CFAP70: variants seen among roughly 807,000 people sequenced by gnomAD.
The protein encoded by CFAP70 is cilia- and flagella-associated protein 70.
In CFAP70, 81 loss-of-function variants were observed where a neutral mutation model predicts 137.6. That is an observed-to-expected ratio of 0.59 (90% CI 0.49 to 0.71). The LOEUF is 0.71. Ranked by LOEUF, CFAP70 falls within the 30% of genes least tolerant of loss-of-function variation. The probability of loss-of-function intolerance (pLI) is 0.00; values close to 1 mark genes in which losing one functional copy is unlikely to be tolerated. For missense variants in CFAP70, 976 were observed against 1,226.7 expected (o/e 0.80, Z 3.05); for synonymous variants, 382 against 423.6 (o/e 0.90, Z 1.20).
At chr10:73,291,488 C>G (rs773293945) in intron 18 of CFAP70, 44 bp from the exon 20 acceptor site, 3 of 1,559,434 alleles carry the variant, frequency 1.9e-6, no homozygotes, top group Non-Finnish European at 2.6e-6. Flanking sequence ...TATTTTCCCA[C>G]TATCATATAC....
intron 6 of CFAP70, among the ~76,000 whole-genome samples, chr10:73,338,446 T>A (rs1052523241): frequency 6.1e-5 from 9 of 148,614 alleles, no homozygotes; most frequent in Middle Eastern, 3.5e-3. Context: ...TTTTTTTTTT[T>A]TTTTTAGACA....
intron 7 of CFAP70, among the ~76,000 whole-genome samples, 194 bp downstream of exon 8, chr10:73,335,236 T>G (rs1325886514): frequency 6.6e-6 from 1 of 152,060 alleles, no homozygotes; most frequent in East Asian, 1.9e-4. Flanking sequence ...TCACCTTGGT[T>G]AAACCACCAT....
At position 73,282,059 on chromosome 10, in the gene CFAP70, C is replaced by G. The variant is rs576007102; in HGVS notation, c.2240-3722G>C. Among the ~76,000 whole-genome samples, 6 of 152,250 alleles carry G rather than the reference C, an allele frequency of 3.9e-5. No individual in the cohort carries two copies. The East Asian group carries it at 1.2e-3, about 29-fold the overall frequency. On this transcript the variant is annotated intron_variant, in intron 19 of 26. Coordinates refer to ENST00000310715, the Ensembl canonical transcript of CFAP70. ...AGAAATAAAAAGAAGCCAGGGATCC[C>G]CCAAAGCCAAATAAGCTCATGGATC...
chr10:73,348,588 A>G (rs2053926854), intron 3 of CFAP70, 67 bp from the exon 4 acceptor site: 1 of 1,052,204 alleles, frequency 9.5e-7, no homozygotes, highest in South Asian at 1.8e-5. Context: ...AAGCTGCAAC[A>G]AACAAAGCAT....
At chr10:73,355,667 A>G (rs1351636120) in intron 1 of CFAP70, among the ~76,000 whole-genome samples, 1 of 152,192 alleles carries the variant, frequency 6.6e-6, no homozygotes, top group Non-Finnish European at 1.5e-5. Context: ...AGTCCCAGCT[A>G]CTTGGGAGGC....
intron 25 of CFAP70, among the ~76,000 whole-genome samples, chr10:73,260,817 C>T (rs1004546302): frequency 6.6e-6 from 1 of 152,200 alleles, no homozygotes; most frequent in Non-Finnish European, 1.5e-5. Flanking sequence ...GAGTAGTACT[C>T]CATTGTATAA....
chr10:73,350,936 T>C (rs1045317589), intron 3 of CFAP70, among the ~76,000 whole-genome samples: 1 of 149,954 alleles, frequency 6.7e-6, no homozygotes, highest in Non-Finnish European at 1.5e-5. Context: ...AATTTGTGTG[T>C]ATATATGTGT....
intron 9 of CFAP70, among the ~76,000 whole-genome samples, chr10:73,321,404 C>T (rs1353120555): frequency 2.0e-5 from 3 of 152,038 alleles, no homozygotes; most frequent in African/African-American, 4.8e-5. Flanking sequence ...GGCAACACAG[C>T]GAGACTCCAT....
chr10:73,305,659 G>C (rs564789424), intron 12 of CFAP70, among the ~76,000 whole-genome samples: 25 of 152,276 alleles, frequency 1.6e-4, no homozygotes, highest in African/African-American at 5.5e-4. Context: ...CAAAACACTG[G>C]CTGAACACAA....
In CFAP70 at chr10:73,345,048, T is replaced by C. The variant is rs1200699288; in HGVS notation, c.399+17A>G. The C allele has an allele frequency of 6.2e-7, 1 of 1,611,296 alleles. No homozygotes were observed. The highest frequency in any genetic ancestry group is 2.2e-5 in the East Asian group (1 of 44,858). On this transcript the variant is annotated intron_variant, in intron 5 of 26. Coordinates refer to ENST00000310715, the Ensembl canonical transcript of CFAP70. ...ACATGTTTGAATCTCTATAAATATC[T>C]GGCAGTAGGGCTTTACCTCTCCAAG... is the stretch of plus-strand genomic sequence containing the variant.
intron 16 of CFAP70, among the ~76,000 whole-genome samples, chr10:73,292,769 T>C (rs2131922163): frequency 6.6e-6 from 1 of 152,288 alleles, no homozygotes; most frequent in East Asian, 1.9e-4. Flanking sequence ...TCCTAATCTG[T>C]ACTTTTCCTT....
At chr10:73,349,266 G>A (rs2053989054) in intron 3 of CFAP70, among the ~76,000 whole-genome samples, 3 of 152,012 alleles carry the variant, frequency 2.0e-5, no homozygotes, top group South Asian at 4.1e-4. Context: ...TAGGGTGGGC[G>A]AGGTGGCTTA....
intron 1 of CFAP70, among the ~76,000 whole-genome samples, chr10:73,358,400 A>G (rs556031863): frequency 1.7e-4 from 26 of 152,334 alleles, no homozygotes; most frequent in Admixed American, 1.2e-3. Context: ...CAGTGAGAAA[A>G]AGGTTAGACG....
intron 19 of CFAP70, among the ~76,000 whole-genome samples, chr10:73,281,212 A>G (rs2047230666): frequency 6.6e-6 from 1 of 151,484 alleles, no homozygotes; most frequent in African/African-American, 2.4e-5. Context: ...ATTGAGACAG[A>G]CTCTCACTGT....
intron 9 of CFAP70, among the ~76,000 whole-genome samples, chr10:73,316,631 A>G (rs2050410959): frequency 6.6e-6 from 1 of 151,482 alleles, no homozygotes; most frequent in Admixed American, 6.6e-5. Context: ...TACAATATAC[A>G]TCCTAACTAA....
intron 3 of CFAP70, among the ~76,000 whole-genome samples, chr10:73,351,178 G>A (rs1431206268): frequency 7.0e-6 from 1 of 143,570 alleles, no homozygotes; most frequent in African/African-American, 2.6e-5. Flanking sequence ...GAGTGCAGTG[G>A]CGCAGTCTCA....
At chr10:73,341,510 G>A (rs372955517) in exon 6 of CFAP70, 12 of 1,614,036 alleles carry the variant, frequency 7.4e-6, no homozygotes, top group Non-Finnish European at 9.3e-6. Flanking sequence ...GCCACTTTTT[G>A]GGCCGGGGAA....
intron 24 of CFAP70, 96 bp from the exon 26 acceptor site, chr10:73,269,811 T>C: frequency 1.6e-6 from 1 of 640,372 alleles, no homozygotes; most frequent in Non-Finnish European, 2.8e-6. Flanking sequence ...GTTTTCAACT[T>C]TTTAATATTT....
At chr10:73,279,753 G>A (rs928295652) in intron 19 of CFAP70, among the ~76,000 whole-genome samples, 1 of 151,840 alleles carries the variant, frequency 6.6e-6, no homozygotes, top group Admixed American at 6.6e-5. Context: ...CTACTCTTGA[G>A]GGACTGAGGT....
Sources: gnomAD v4.1 joint callset for allele counts (sites outside exome capture counted in the v4.1 genomes callset) on GRCh38, gnomAD v4.1.1 for gene constraint, MANE v1.5 for transcripts, NCBI Gene and HGNC (gene_info 2026-07-23, HGNC 2026-07-21) for gene names.